Variants in FBN1 observed in about 807,000 individuals in gnomAD.
FBN1 encodes the protein fibrillin 1.
Under a neutral mutation model 365.1 loss-of-function variants are expected in FBN1, and 29 were observed. The ratio of observed to expected loss-of-function variants is 0.08; its 90% CI spans 0.06 to 0.11. The LOEUF is 0.11. FBN1 is among the 10% of genes least tolerant of loss of function. FBN1 has a pLI of 1.00. For missense variants in FBN1, 2,476 were observed against 3,703.2 expected, an observed-to-expected ratio of 0.67 and a Z score of 8.60; for synonymous variants, 1,210 against 1,270.5, an observed-to-expected ratio of 0.95 and a Z score of 1.01.
In FBN1 at chr15:48,421,651, C is replaced by A. The variant is rs397515854; in HGVS notation, c.7606G>T (p.Gly2536Trp). ...GTGTTCTGGCAAATGCCCTTAGACC[C>A]GCACAGATTGATGTCAGAGGTGCAT... ...NECTSDINLCGSKGICQNTPG... is the reference protein window; with the variant it reads ...NECTSDINLCWSKGICQNTPG... The change falls in exon 62 of 66, where the codon GGG becomes TGG. Residue 2536 changes from glycine (G) to tryptophan (W), a missense_variant. By Grantham distance (184) the Gly-to-Trp change is radical. Coordinates refer to ENST00000316623, the MANE Select transcript of FBN1 (RefSeq NM_000138.5). 1 of 1,613,808 alleles carries A rather than the reference C, an allele frequency of 6.2e-7. No homozygotes were observed. The highest frequency in any genetic ancestry group is 8.5e-7 in the Non-Finnish European group (1 of 1,179,926).
chr15:48,645,420 G>A (rs1007899330), intron 1 of FBN1, among the ~76,000 whole-genome samples, 155 bp downstream of exon 1: 3 of 152,242 alleles, frequency 2.0e-5, no homozygotes, highest in Admixed American at 6.5e-5. Context: ...CTGTCAGGCA[G>A]GGGAGGGCCA....
chr15:48,473,399 AT>A (rs2043393581), intron 34 of FBN1, among the ~76,000 whole-genome samples: 1 of 152,216 alleles, frequency 6.6e-6, no homozygotes, highest in African/African-American at 2.4e-5. Flanking sequence ...AATGGATCTT[AT>A]TATTTTATTT....
intron 2 of FBN1, chr15:48,641,801 T>G (rs192027833): frequency 2.0e-5 from 3 of 152,358 alleles, no homozygotes; most frequent in African/African-American, 7.2e-5. Context: ...TCTGATGATT[T>G]ATACAGCAGG....
chr15:48,632,718 T>C (rs767004166), intron 2 of FBN1, among the ~76,000 whole-genome samples: 10 of 152,114 alleles, frequency 6.6e-5, no homozygotes, highest in Admixed American at 2.0e-4. Context: ...CAGGCTCAAA[T>C]AGGAAATAGT....
chr15:48,415,665 T>G lies in FBN1; in HGVS notation c.7922A>C (p.Gln2641Pro), dbSNP rs2141214864. ...GATGTCTTGGCATCCTCCACTGAAC[T>G]GTTCATACTGGAAGCCGGCGGGACA... Reference protein sequence around the residue: ...CMCPAGFQYEQFSGGCQDINE... With the variant: ...CMCPAGFQYEPFSGGCQDINE... The change falls in exon 64 of 66, where the codon CAG becomes CCG. Residue 2641 changes from glutamine (Q) to proline (P), a missense_variant. By Grantham distance (76) the Gln-to-Pro change is moderately conservative (BLOSUM62 -1). This residue lies in a region of FBN1 where 1,780 missense variants were observed against 2,840.8 expected (regional missense o/e 0.63). Transcript: ENST00000316623. 6.2e-7 allele frequency: 1 copy of G among 1,614,222 alleles called. No homozygotes were observed. The highest frequency in any genetic ancestry group is 8.5e-7 in the Non-Finnish European group (1 of 1,180,032).
chr15:48,521,910 T>C (rs916094903), intron 9 of FBN1, among the ~76,000 whole-genome samples: 4 of 152,238 alleles, frequency 2.6e-5, no homozygotes, highest in Non-Finnish European at 4.4e-5. Context: ...TGTGGCGTGT[T>C]AGGAACTGGG....
At chr15:48,473,497 T>C (rs943039947) in intron 34 of FBN1, among the ~76,000 whole-genome samples, 2 of 152,208 alleles carry the variant, frequency 1.3e-5, no homozygotes, top group Non-Finnish European at 2.9e-5. Flanking sequence ...ACAAGTCTAA[T>C]CATGTATGTT....
At chr15:48,548,234 G>A (rs2044112941) in intron 6 of FBN1, among the ~76,000 whole-genome samples, 1 of 152,152 alleles carries the variant, frequency 6.6e-6, no homozygotes, top group Non-Finnish European at 1.5e-5. Context: ...CAATCACATG[G>A]GGTCTCTTGG....
At chr15:48,568,721 T>C (rs570405058) in intron 6 of FBN1, among the ~76,000 whole-genome samples, 1 of 152,118 alleles carries the variant, frequency 6.6e-6, no homozygotes, top group East Asian at 1.9e-4. Context: ...TCAGCAAAAG[T>C]GTCAAGGAAA....
chr15:48,469,095 A>T lies in FBN1; in HGVS notation c.4460-561T>A, dbSNP rs1054731114. 4.1e-4 allele frequency among the ~76,000 whole-genome samples: 42 copies of T among 102,306 alleles called. 1 individual carries two copies. Among genetic ancestry groups the T allele is most frequent in the Non-Finnish European group, 6.4e-4 (33 of 51,414 alleles). The allele number at this position is 102,306 out of a possible 152,430, so 67.1% of individuals were successfully genotyped here. On this transcript the variant is annotated intron_variant, in intron 36 of 65. Transcript: ENST00000316623. ...AAAAAAAAAAATATATATATATATA[A>T]AATATAATATATATTACATATATAT...
intron 57 of FBN1, 100 bp downstream of exon 57, chr15:48,428,246 A>C (rs2042995946): frequency 6.9e-7 from 1 of 1,459,778 alleles, no homozygotes; most frequent in African/African-American, 1.4e-5. Flanking sequence ...ATCCTTCCTC[A>C]GATTTTGACA....
At chr15:48,458,959 A>G (rs1291784163) in intron 43 of FBN1, among the ~76,000 whole-genome samples, 6 of 152,256 alleles carry the variant, frequency 3.9e-5, no homozygotes, top group Non-Finnish European at 8.8e-5. Context: ...AAGCAAACTA[A>G]GCCATGAGTC....
In FBN1 at chr15:48,616,408, G is replaced by C. The variant is rs1889653319; in HGVS notation, c.165-3316C>G. On this transcript the variant is annotated intron_variant, in intron 2 of 65. Coordinates refer to ENST00000316623, the MANE Select transcript of FBN1 (RefSeq NM_000138.5). ...TCTCCTCTGCTGCTTTTGGTCTTGA[G>C]AAACTGCAAACTATTAGAACTCGTT... 2.0e-5 allele frequency among the ~76,000 whole-genome samples: 3 copies of C among 152,232 alleles called. No individual in the cohort carries two copies. In the South Asian group the frequency reaches 6.2e-4, roughly 32 times the overall value.
intron 35 of FBN1, 45 bp downstream of exon 35, chr15:48,472,506 C>T: frequency 2.8e-6 from 4 of 1,424,914 alleles, no homozygotes; most frequent in Non-Finnish European, 3.9e-6. Context: ...ATAACCTAAT[C>T]TCATCAAGCC....
intron 6 of FBN1, among the ~76,000 whole-genome samples, chr15:48,582,301 TC>T (rs2044399984): frequency 6.6e-6 from 1 of 152,196 alleles, no homozygotes. Flanking sequence ...AAATAGTCTC[TC>T]CCGTGTGGAG....
chr15:48,490,196 C>G, intron 24 of FBN1, 118 bp from the exon 25 acceptor site: 1 of 920,320 alleles, frequency 1.1e-6, no homozygotes, highest in South Asian at 1.4e-5. Context: ...TACTTATTGA[C>G]TGGAATTAGT....
Position 48,470,803 on chromosome 15 carries a change from T to TA in FBN1, c.4337-48dup, listed in dbSNP as rs138034853. 3,005 of 1,589,316 alleles carry TA rather than the reference T, an allele frequency of 1.9e-3. 52 individuals are homozygous for TA. In the African/African-American group the frequency reaches 0.035, roughly 19 times the overall value. On this transcript the variant is annotated intron_variant, in intron 35 of 65. Transcript: ENST00000316623. ...GCAAAAAACTTAACTTATATTTTTC[T>TA]AAAAAAAACCTGCCAAATATAATTA... is the stretch of plus-strand genomic sequence containing the variant.
At chr15:48,549,075 A>C (rs1252894152) in intron 6 of FBN1, among the ~76,000 whole-genome samples, 1 of 152,226 alleles carries the variant, frequency 6.6e-6, no homozygotes, top group East Asian at 1.9e-4. Flanking sequence ...AATGCTTTCT[A>C]TTCAAATGTA....
At chr15:48,443,334 A>G (rs569530634) in intron 49 of FBN1, among the ~76,000 whole-genome samples, 1 of 152,314 alleles carries the variant, frequency 6.6e-6, no homozygotes, top group South Asian at 2.1e-4. Context: ...GACTATTTAT[A>G]TTATGGTAGA....
Sources: gnomAD v4.1 joint callset for allele counts (sites outside exome capture counted in the v4.1 genomes callset) on GRCh38, gnomAD v4.1.1 for gene constraint, gnomAD v4.1.1 regional missense constraint, MANE v1.5 for transcripts, NCBI Gene and HGNC (gene_info 2026-07-23, HGNC 2026-07-21) for gene names.